Variants in AP1B1 observed in about 807,000 individuals in gnomAD.
AP1B1 encodes adaptor related protein complex 1 subunit beta 1, also known as AP-1 complex subunit beta-1.
A neutral mutation model predicts 104.3 loss-of-function variants in AP1B1; 36 were observed. The ratio of observed to expected loss-of-function variants is 0.35; its 90% CI spans 0.26 to 0.46. The LOEUF (loss-of-function observed/expected upper bound fraction) is 0.46, where lower values mean the gene tolerates loss of function less well. AP1B1 is among the 20% of genes least tolerant of loss of function. The pLI, the probability that AP1B1 is intolerant of heterozygous loss-of-function variation, is 1.00. For missense variants in AP1B1, 901 were observed against 1,247.9 expected, an observed-to-expected ratio of 0.72 and a Z score of 4.19; for synonymous variants, 504 against 517.5, an observed-to-expected ratio of 0.97 and a Z score of 0.35.
chr22:29,382,008 T>A (rs1441325977), intron 1 of AP1B1, among the ~76,000 whole-genome samples: 1 of 151,806 alleles, frequency 6.6e-6, no homozygotes, highest in Admixed American at 6.6e-5. Context: ...CCTCTGATGC[T>A]TAAAAAAAGA....
chr22:29,341,655 T>C lies in AP1B1; in HGVS notation c.1642A>G (p.Ile548Val). 6.2e-7 allele frequency: 1 copy of C among 1,614,158 alleles called. No individual in the cohort carries two copies. Among genetic ancestry groups the C allele is most frequent in the Non-Finnish European group, 8.5e-7 (1 of 1,180,000 alleles). The change falls in exon 13 of 23, where the codon ATC becomes GTC. Residue 548 changes from isoleucine (I) to valine (V), a missense_variant. Physicochemically the swap from Ile to Val is conservative, Grantham distance 29. Around this residue, in one of 3 missense-constraint regions of AP1B1, gnomAD observed 471 missense variants for 696.7 expected, o/e 0.68. Coordinates refer to ENST00000357586, the MANE Select transcript of AP1B1 (RefSeq NM_001127.4). Reference sequence around the variant, plus strand: ...TCGATGAGGTCCGTCTCTTCAGAGATGAGTGGCTTCTCAGCCAACACCACC... The same window carrying C: ...TCGATGAGGTCCGTCTCTTCAGAGACGAGTGGCTTCTCAGCCAACACCACC... The part of the protein sequence containing the change: ...KEVVLAEKPL[I>V]SEETDLIEPT...
intron 11 of AP1B1, among the ~76,000 whole-genome samples, chr22:29,344,221 G>A (rs2061755853): frequency 6.6e-6 from 1 of 152,060 alleles, no homozygotes; most frequent in South Asian, 2.1e-4. Flanking sequence ...TCTTGAAAGA[G>A]TTCTTCCCAG....
At chr22:29,329,112 G>A in intron 22 of AP1B1, 2 of 1,366,710 alleles carry the variant, frequency 1.5e-6, no homozygotes, top group South Asian at 1.5e-5. Flanking sequence ...CCACACACCT[G>A]CTGTCAGCCC....
At position 29,354,860 on chromosome 22, in the gene AP1B1, C is replaced by T. The variant is rs1279701074; in HGVS notation, c.728G>A (p.Arg243Gln). ...GGCATGGGAGAGCCTGGGGGTGACC[C>T]GCTCACAGATGCTGGGGTCCGTCCA... ...DDREAQSICERVTPRLSHANS... is the reference protein window; with the variant it reads ...DDREAQSICEQVTPRLSHANS... The change falls in exon 7 of 23, where the codon CGG (arginine) becomes CAG (glutamine). Residue 243 changes from arginine to glutamine, a missense_variant. Arg to Gln is a conservative substitution (Grantham distance 43). Coordinates refer to ENST00000357586, the MANE Select transcript of AP1B1 (RefSeq NM_001127.4). 2 of 1,613,958 alleles carry T rather than the reference C, an allele frequency of 1.2e-6. No individual in the cohort carries two copies. Among genetic ancestry groups the T allele is most frequent in the Non-Finnish European group, 1.7e-6 (2 of 1,179,978 alleles).
intron 1 of AP1B1, among the ~76,000 whole-genome samples, chr22:29,379,523 C>T (rs1023920555): frequency 4.6e-5 from 7 of 151,976 alleles, no homozygotes; most frequent in African/African-American, 9.7e-5. Context: ...GAGCACCATC[C>T]GCTCCATGCC....
Position 29,328,779 on chromosome 22 carries a change from G to C in AP1B1, c.*42C>G, listed in dbSNP as rs552068696. On this transcript the variant is annotated 3_prime_UTR_variant, in exon 23 of 23. Coordinates refer to ENST00000357586, the MANE Select transcript of AP1B1 (RefSeq NM_001127.4). This position sits in a 1 kb window ranked among gnomAD's most constrained non-coding sequence, Gnocchi z 4.1. ...TGTGCTGCCCCCGAGGGGCCTCCTC[G>C]ATGGGGCGGGCAGAAGGCTGGGGTG... 1 of 1,583,330 alleles carries C rather than the reference G, an allele frequency of 6.3e-7. No homozygotes were observed. The highest frequency in any genetic ancestry group is 1.9e-5 in the Admixed American group (1 of 54,040).
intron 1 of AP1B1, among the ~76,000 whole-genome samples, chr22:29,370,326 G>GCTA (rs1332361196): frequency 6.6e-6 from 1 of 151,892 alleles, no homozygotes; most frequent in Non-Finnish European, 1.5e-5. Context: ...GGTGGCATGT[G>GCTA]CCTGTAGTCC....
intron 1 of AP1B1, among the ~76,000 whole-genome samples, chr22:29,367,575 C>T (rs2062165043): frequency 6.7e-6 from 1 of 150,312 alleles, no homozygotes; most frequent in Admixed American, 6.6e-5. Flanking sequence ...GCTGGGATTA[C>T]AGGTGTGAGC....
intron 22 of AP1B1, 69 bp downstream of exon 22, chr22:29,329,643 T>C (rs1188287713): frequency 1.9e-6 from 3 of 1,605,556 alleles, no homozygotes; most frequent in South Asian, 1.1e-5. Context: ...AGACATGGGG[T>C]GCATGGGGGC....
At chr22:29,359,691 G>A in intron 4 of AP1B1, 133 bp downstream of exon 4, 2 of 1,182,774 alleles carry the variant, frequency 1.7e-6, no homozygotes, top group East Asian at 2.4e-5. Context: ...GAAGAGGCCT[G>A]CAGGCTGGGC....
intron 16 of AP1B1, 97 bp downstream of exon 16, chr22:29,338,893 T>G: frequency 6.5e-7 from 1 of 1,535,012 alleles, no homozygotes; most frequent in Non-Finnish European, 8.8e-7. Context: ...ACTGCTGGCC[T>G]GAGCCAATTC....
At chr22:29,345,693 T>C (rs1156912264) in intron 11 of AP1B1, among the ~76,000 whole-genome samples, 5 of 151,734 alleles carry the variant, frequency 3.3e-5, no homozygotes, top group Admixed American at 6.6e-5. Flanking sequence ...TTGTTTTTTT[T>C]CTTTTTTCTG....
intron 11 of AP1B1, among the ~76,000 whole-genome samples, chr22:29,343,413 G>A (rs1202425227): frequency 6.6e-6 from 1 of 152,232 alleles, no homozygotes; most frequent in Non-Finnish European, 1.5e-5. Flanking sequence ...GCAGAATGGA[G>A]GGCACGTGGT....
chr22:29,341,884 C>T, intron 12 of AP1B1, 124 bp from the exon 13 acceptor site: 1 of 1,163,336 alleles, frequency 8.6e-7, no homozygotes, highest in Non-Finnish European at 1.2e-6. Flanking sequence ...GTCCTGAGTG[C>T]TCCCATGAGC....
Position 29,328,899 on chromosome 22 carries a change from C to T in AP1B1, c.2776-4G>A. ...GTGCTCGACACTTCAGGGACAGCTG[C>T]AGGGGAGAGAGGGGTCGGGGGAAAG... On this transcript the variant is annotated splice_region_variant and splice_polypyrimidine_tract_variant and intron_variant, in intron 22 of 22. Transcript: ENST00000357586. This position sits in a 1 kb window ranked among gnomAD's most constrained non-coding sequence, Gnocchi z 4.1. 6.2e-7 allele frequency: 1 copy of T among 1,607,414 alleles called. No individual in the cohort carries two copies. Among genetic ancestry groups the T allele is most frequent in the African/African-American group, 1.3e-5 (1 of 74,924 alleles).
intron 14 of AP1B1, among the ~76,000 whole-genome samples, chr22:29,340,213 C>T (rs1376388719): frequency 1.3e-5 from 2 of 152,224 alleles, no homozygotes; most frequent in Non-Finnish European, 2.9e-5. Context: ...CCCCGGCCTC[C>T]CATGCCCTCT....
chr22:29,378,893 A>T (rs1173519854), intron 1 of AP1B1, among the ~76,000 whole-genome samples: 1 of 149,740 alleles, frequency 6.7e-6, no homozygotes, highest in African/African-American at 2.5e-5. Context: ...CAGTTTCCTG[A>T]GGCCCACTAG....
chr22:29,337,135 T>C (rs1173724727), intron 16 of AP1B1, among the ~76,000 whole-genome samples: 1 of 152,204 alleles, frequency 6.6e-6, no homozygotes, highest in African/African-American at 2.4e-5. Context: ...GCACAGGTGG[T>C]TCTCACGCTC....
intron 21 of AP1B1, chr22:29,329,991 C>G: frequency 7.1e-7 from 1 of 1,414,560 alleles, no homozygotes; most frequent in Non-Finnish European, 9.2e-7. Context: ...ACAGGTCTAC[C>G]TCAAAGGCTG....
Sources: gnomAD v4.1 joint callset for allele counts (sites outside exome capture counted in the v4.1 genomes callset) on GRCh38, gnomAD v4.1.1 for gene constraint, gnomAD v4.1.1 regional missense constraint, Gnocchi (gnomAD v3.1) non-coding constraint, MANE v1.5 for transcripts, NCBI Gene and HGNC (gene_info 2026-07-23, HGNC 2026-07-21) for gene names.